Variants in AGBL4 observed in about 807,000 individuals in gnomAD.
AGBL4 encodes cytosolic carboxypeptidase 6.
AGBL4 carries 58 observed loss-of-function variants against 66.4 expected under a neutral mutation model. The observed-to-expected ratio is 0.87, with a 90% confidence interval of 0.71 to 1.09. The LOEUF is 1.09. Among genes scored for constraint, AGBL4 ranks in the 50% least tolerant of loss-of-function variants. The pLI, the probability that AGBL4 is intolerant of heterozygous loss-of-function variation, is 0.00. For missense variants in AGBL4, 579 were observed against 631.0 expected (o/e 0.92, Z 0.88); for synonymous variants, 234 against 222.9 (o/e 1.05, Z -0.44).
chr1:49,890,736 T>G (rs1418458570), intron 1 of AGBL4, among the ~76,000 whole-genome samples: 1 of 152,110 alleles, frequency 6.6e-6, no homozygotes, highest in East Asian at 1.9e-4. Flanking sequence ...TAATCCTCCA[T>G]ACTCTTTCCC....
chr1:48,686,806 GT>G (rs1195844713), intron 6 of AGBL4, among the ~76,000 whole-genome samples: 1 of 152,216 alleles, frequency 6.6e-6, no homozygotes, highest in Non-Finnish European at 1.5e-5. Flanking sequence ...TAGCCACACA[GT>G]GTAGGATTCA....
intron 4 of AGBL4, among the ~76,000 whole-genome samples, chr1:49,097,655 C>T (rs1020312213): frequency 2.6e-5 from 4 of 152,216 alleles, no homozygotes. Context: ...GATCTCAGCT[C>T]GCTTCACCTC....
At chr1:48,756,606 G>A (rs1266935845) in intron 6 of AGBL4, among the ~76,000 whole-genome samples, 1 of 152,210 alleles carries the variant, frequency 6.6e-6, no homozygotes, top group African/African-American at 2.4e-5. Context: ...TGGGAAGTAG[G>A]GAAGTTGGGA....
In AGBL4 at chr1:50,016,309, C is replaced by T. The variant is rs371476014; in HGVS notation, c.34+7454G>A. ...GGGCGTGGTGGCTCATGCCTGTAAT[C>T]GTATCACTTTGGGAGGCCAAGGTGG... On this transcript the variant is annotated intron_variant, in intron 1 of 13. Transcript: ENST00000371839. Among the ~76,000 whole-genome samples, 240 of 152,276 alleles carry T rather than the reference C, an allele frequency of 1.6e-3. 1 individual carries two copies. The highest frequency in any genetic ancestry group is 4.9e-3 in the African/African-American group (204 of 41,550).
At chr1:49,819,337 T>A (rs1645308182) in intron 2 of AGBL4, among the ~76,000 whole-genome samples, 1 of 152,240 alleles carries the variant, frequency 6.6e-6, no homozygotes, top group African/African-American at 2.4e-5. Flanking sequence ...TGCGATGCAT[T>A]CACAATATCA....
chr1:48,682,410 C>CT (rs529391743), intron 6 of AGBL4, among the ~76,000 whole-genome samples: 3,027 of 140,598 alleles, frequency 0.022, 51 homozygotes, highest in South Asian at 0.046. Flanking sequence ...CAGCACATCT[C>CT]TTTTTTTTTT....
At chr1:49,515,246 T>C (rs930295699) in intron 3 of AGBL4, among the ~76,000 whole-genome samples, 12 of 152,088 alleles carry the variant, frequency 7.9e-5, no homozygotes, top group Non-Finnish European at 1.6e-4. Context: ...CAGACACTTC[T>C]CAAAAGAAGA....
chr1:49,996,571 T>G (rs1429008888), intron 1 of AGBL4, among the ~76,000 whole-genome samples: 2 of 151,944 alleles, frequency 1.3e-5, no homozygotes, highest in African/African-American at 2.4e-5. Flanking sequence ...TTATGGTAAA[T>G]GAACAAGCCT....
At chr1:48,682,539 G>A (rs1054618912) in intron 6 of AGBL4, among the ~76,000 whole-genome samples, 3 of 151,818 alleles carry the variant, frequency 2.0e-5, no homozygotes, top group Non-Finnish European at 4.4e-5. Flanking sequence ...CTCCTGAGTA[G>A]CTGGGAATAC....
chr1:49,045,583 C>T lies in AGBL4; in HGVS notation c.594+1G>A. On this transcript the variant is annotated splice_donor_variant, in intron 5 of 13. Transcript: ENST00000371839. LOFTEE classifies it high-confidence loss of function. ...TAACCCAAACCTGGCACAGGCCTTACCACACTCTGGCCCAGCTGCTCCCGA... is the reference window on the plus strand; with the variant it reads ...TAACCCAAACCTGGCACAGGCCTTATCACACTCTGGCCCAGCTGCTCCCGA... 6.2e-7 allele frequency: 1 copy of T among 1,603,586 alleles called. No individual in the cohort carries two copies. Among genetic ancestry groups the T allele is most frequent in the Non-Finnish European group, 8.5e-7 (1 of 1,174,762 alleles).
rs1284887760 is a variant in AGBL4, at chr1:49,606,679, C to T, written c.282+90634G>A. Among the ~76,000 whole-genome samples the T allele has an allele frequency of 7.9e-5, 12 of 152,098 alleles. No homozygotes were observed. In the East Asian group the frequency reaches 2.3e-3, roughly 29 times the overall value. Reference sequence around the variant, plus strand: ...ATTAAGCTTTATTGTTATTATTATTCCCATTTTATACATCAGGAAACAAAG... The same window carrying T: ...ATTAAGCTTTATTGTTATTATTATTTCCATTTTATACATCAGGAAACAAAG... On this transcript the variant is annotated intron_variant, in intron 3 of 13. Transcript: ENST00000371839.
intron 3 of AGBL4, among the ~76,000 whole-genome samples, chr1:49,460,204 T>G (rs1345022386): frequency 2.0e-5 from 3 of 151,794 alleles, no homozygotes; most frequent in Non-Finnish European, 2.9e-5. Context: ...TTCCCCACTA[T>G]TACGGTGTTG....
intron 1 of AGBL4, among the ~76,000 whole-genome samples, chr1:49,992,639 C>T (rs1247948524): frequency 6.6e-6 from 1 of 151,980 alleles, no homozygotes; most frequent in African/African-American, 2.4e-5. Flanking sequence ...CAATACTTTC[C>T]CTCATCCCTA....
intron 2 of AGBL4, among the ~76,000 whole-genome samples, chr1:49,750,731 T>A (rs1651389554): frequency 6.6e-6 from 1 of 152,198 alleles, no homozygotes; most frequent in South Asian, 2.1e-4. Context: ...GCATGGAATG[T>A]TTTTCCATTT....
At chr1:48,981,290 GAT>G (rs1659745611) in intron 5 of AGBL4, among the ~76,000 whole-genome samples, 2 of 152,134 alleles carry the variant, frequency 1.3e-5, no homozygotes, top group Admixed American at 1.3e-4. Context: ...TTCTGCACAT[GAT>G]AGGGAATATT....
chr1:49,558,691 T>C (rs75777392), intron 3 of AGBL4, among the ~76,000 whole-genome samples: 2 of 152,012 alleles, frequency 1.3e-5, no homozygotes, highest in Non-Finnish European at 2.9e-5. Flanking sequence ...GGACCTGCCA[T>C]GGGCCAGCAG....
chr1:49,263,540 A>G (rs554357091), intron 3 of AGBL4, among the ~76,000 whole-genome samples: 15 of 152,276 alleles, frequency 9.9e-5, no homozygotes, highest in Non-Finnish European at 1.5e-5. Context: ...TGAATAGATG[A>G]TTACTCCACT....
Position 48,653,457 on chromosome 1 carries a change from G to GA in AGBL4, c.725-7dup. ...TACAAGGAAGTCAATGATCCCTAGG[G>GA]AAAGAGAAGAGCCCGGTTTAACAAC... On this transcript the variant is annotated splice_polypyrimidine_tract_variant and splice_region_variant and intron_variant, in intron 7 of 13. Transcript: ENST00000371839. 1 of 1,545,282 alleles carries GA rather than the reference G, an allele frequency of 6.5e-7. No individual in the cohort carries two copies. The highest frequency in any genetic ancestry group is 8.8e-7 in the Non-Finnish European group (1 of 1,138,472).
chr1:49,746,435 T>C (rs1357511010), intron 2 of AGBL4, among the ~76,000 whole-genome samples: 2 of 152,108 alleles, frequency 1.3e-5, no homozygotes, highest in Admixed American at 1.3e-4. Flanking sequence ...ACTTTATCAA[T>C]GTCTGGTGCC....
Sources: gnomAD v4.1 joint callset for allele counts (sites outside exome capture counted in the v4.1 genomes callset) on GRCh38, gnomAD v4.1.1 for gene constraint, MANE v1.5 for transcripts, NCBI Gene and HGNC (gene_info 2026-07-23, HGNC 2026-07-21) for gene names.